Variants in DRC10 observed in about 807,000 individuals in gnomAD.
The protein encoded by DRC10 is IQ domain-containing protein D.
chr12:113,205,449 C>A, the DRC10 span, among the ~76,000 whole-genome samples: 1 of 151,966 alleles, frequency 6.6e-6, no homozygotes, highest in East Asian at 1.9e-4. Context: ...AGAAGAATTG[C>A]TTGAACCCAG....
chr12:113,207,110 G>A, the DRC10 span: 1 of 383,412 alleles, frequency 2.6e-6, no homozygotes, highest in South Asian at 2.1e-5. Flanking sequence ...CACTTTGGGA[G>A]GCCAAAGCAG....
the DRC10 span, among the ~76,000 whole-genome samples, chr12:113,210,352 T>TGA: frequency 2.0e-5 from 3 of 152,148 alleles, no homozygotes; most frequent in African/African-American, 7.2e-5. Flanking sequence ...TCAGGATGAA[T>TGA]GAGAAGCCTG....
At chr12:113,208,133 A>G in the DRC10 span, 1 of 1,614,094 alleles carries the variant, frequency 6.2e-7, no homozygotes. Context: ...GGGGCCTGAT[A>G]CAAAGGGGCC....
At chr12:113,197,634 A>G in the DRC10 span, 7 of 1,437,672 alleles carry the variant, frequency 4.9e-6, no homozygotes, top group African/African-American at 9.8e-5. Context: ...CCAATTTGTC[A>G]TTGTTTGATG....
the DRC10 span, among the ~76,000 whole-genome samples, chr12:113,202,824 C>T: frequency 1.3e-4 from 20 of 152,286 alleles, no homozygotes; most frequent in East Asian, 3.9e-3. Context: ...ACACCAGCTC[C>T]GGTGTTTCCA....
the DRC10 span, among the ~76,000 whole-genome samples, chr12:113,198,759 T>C: frequency 2.0e-5 from 3 of 152,194 alleles, no homozygotes; most frequent in African/African-American, 7.2e-5. Flanking sequence ...ACTGAATTGC[T>C]CATTTTAAAA....
chr12:113,199,690 A>T, the DRC10 span, among the ~76,000 whole-genome samples: 3 of 152,016 alleles, frequency 2.0e-5, no homozygotes, highest in African/African-American at 7.2e-5. Flanking sequence ...CTTGGCTGAG[A>T]TGATGAAGGA....
At chr12:113,202,561 G>A in the DRC10 span, among the ~76,000 whole-genome samples, 1 of 152,176 alleles carries the variant, frequency 6.6e-6, no homozygotes, top group Non-Finnish European at 1.5e-5. Flanking sequence ...GTCCTTCCTA[G>A]CACTTCTCTC....
the DRC10 span, among the ~76,000 whole-genome samples, chr12:113,220,113 C>T: frequency 6.6e-6 from 1 of 152,024 alleles, no homozygotes; most frequent in Non-Finnish European, 1.5e-5. Flanking sequence ...GCTGAGCCAC[C>T]GCGCCCGGCC....
the DRC10 span, chr12:113,195,890 C>T: frequency 6.3e-7 from 1 of 1,599,740 alleles, no homozygotes; most frequent in Non-Finnish European, 8.5e-7. Flanking sequence ...CCAACTCCTC[C>T]TGGGGTGAGG....
the DRC10 span, among the ~76,000 whole-genome samples, chr12:113,201,402 T>C: frequency 7.2e-5 from 11 of 152,302 alleles, no homozygotes; most frequent in East Asian, 2.1e-3. Flanking sequence ...TGGCCACCAC[T>C]TTCTATTTCC....
At chr12:113,219,078 T>C in the DRC10 span, among the ~76,000 whole-genome samples, 1 of 152,182 alleles carries the variant, frequency 6.6e-6, no homozygotes, top group South Asian at 2.1e-4. Context: ...CTCTGTCACA[T>C]AGACTGGAGT....
the DRC10 span, among the ~76,000 whole-genome samples, chr12:113,214,521 A>G: frequency 3.0e-4 from 45 of 151,714 alleles, no homozygotes; most frequent in Non-Finnish European, 4.4e-4. Flanking sequence ...AAAAAAAAAA[A>G]AAAAAAAGAG....
At chr12:113,216,766 GTTAAAA>G in the DRC10 span, among the ~76,000 whole-genome samples, 6 of 152,144 alleles carry the variant, frequency 3.9e-5, no homozygotes, top group Non-Finnish European at 8.8e-5. Context: ...TGGGACTAGA[GTTAAAA>G]TTAAACGAAA....
the DRC10 span, among the ~76,000 whole-genome samples, chr12:113,220,701 T>C: frequency 1.5e-3 from 232 of 152,196 alleles, 1 homozygote; most frequent in African/African-American, 5.0e-3. Flanking sequence ...AGCTCCCATG[T>C]TTGACTTGAA....
At chr12:113,199,794 TG>T in the DRC10 span, among the ~76,000 whole-genome samples, 164 of 152,182 alleles carry the variant, frequency 1.1e-3, 3 homozygotes, top group East Asian at 0.023. Flanking sequence ...TATAGTTCAC[TG>T]CAGCCTCCAA....
the DRC10 span, among the ~76,000 whole-genome samples, chr12:113,213,487 G>A: frequency 1.3e-5 from 2 of 152,132 alleles, no homozygotes; most frequent in African/African-American, 4.8e-5. Flanking sequence ...TGCTATATAC[G>A]AATTAATTCC....
chr12:113,206,453 C>T, the DRC10 span, among the ~76,000 whole-genome samples: 1 of 152,012 alleles, frequency 6.6e-6, no homozygotes, highest in Non-Finnish European at 1.5e-5. Context: ...GCTAGCCAAT[C>T]GGGTTGAGTA....
the DRC10 span, chr12:113,207,781 T>A: frequency 6.2e-7 from 1 of 1,613,926 alleles, no homozygotes; most frequent in South Asian, 1.1e-5. Flanking sequence ...AAGGAGGCGG[T>A]CTCTGAGCCA....
Sources: gnomAD v4.1 joint callset for allele counts (sites outside exome capture counted in the v4.1 genomes callset) on GRCh38, gnomAD v4.1.1 for gene constraint, MANE v1.5 for transcripts, NCBI Gene and HGNC (gene_info 2026-07-23, HGNC 2026-07-21) for gene names.